Variants in MBD5 observed in about 807,000 individuals in gnomAD.
The protein encoded by MBD5 is methyl-CpG binding domain protein 5, also known as methyl-CpG-binding domain protein 5.
MBD5 carries 13 observed loss-of-function variants against 117.3 expected under a neutral mutation model. The ratio of observed to expected loss-of-function variants is 0.11; its 90% CI spans 0.07 to 0.18. MBD5 has a LOEUF of 0.18. Ranked by LOEUF, MBD5 falls within the 10% of genes least tolerant of loss-of-function variation. The pLI, the probability that MBD5 is intolerant of heterozygous loss-of-function variation, is 1.00. For missense variants in MBD5, 1,879 were observed against 2,093.8 expected, an observed-to-expected ratio of 0.90 and a Z score of 2.00; for synonymous variants, 727 against 766.4, an observed-to-expected ratio of 0.95 and a Z score of 0.85.
Position 148,373,682 on chromosome 2 carries a change from GA to G in MBD5, c.-557+31347del, listed in dbSNP as rs377485359. ...CTATATGCAAAGTACCTTTTTTAGA[GA>G]CTCTTGAGATGAGTAACATTTATTA... On this transcript the variant is annotated intron_variant, in intron 4 of 13. Transcript: ENST00000642680. Among the ~76,000 whole-genome samples the G allele has an allele frequency of 1.4e-4, 22 of 152,148 alleles. No individual in the cohort carries two copies. The East Asian group carries it at 3.7e-3, about 25-fold the overall frequency.
At chr2:148,112,995 AAATAAATAAATCAATG>A (rs1362307802) in intron 1 of MBD5, among the ~76,000 whole-genome samples, 11 of 152,308 alleles carry the variant, frequency 7.2e-5, no homozygotes, top group South Asian at 6.2e-4. Flanking sequence ...CCTGTCTCTT[AAATAAATAAATCAATG>A]AATAAATAAA....
At position 148,021,401 on chromosome 2, in the gene MBD5, G is replaced by C; in HGVS notation, c.-1208G>C. On this transcript the variant is annotated 5_prime_UTR_variant, in exon 1 of 14. Transcript: ENST00000642680. The stretch of plus-strand genomic sequence containing the variant: ...CCCTCCACCCTCCTCCTCTTTGGCC[G>C]TGAGAGGAGGAGAGAAAGAAACCAA... 2 of 497,350 alleles carry C rather than the reference G, an allele frequency of 4.0e-6. No homozygotes were observed. Among genetic ancestry groups the C allele is most frequent in the Non-Finnish European group, 7.9e-6 (2 of 253,030 alleles). 30.8% of individuals were successfully genotyped at this position (497,350 alleles called of 1,614,324 possible).
At chr2:148,297,146 A>C (rs901129260) in intron 3 of MBD5, among the ~76,000 whole-genome samples, 1 of 151,920 alleles carries the variant, frequency 6.6e-6, no homozygotes, top group Non-Finnish European at 1.5e-5. Flanking sequence ...CAGCCTCCCA[A>C]CATGCTGGGA....
In MBD5 at chr2:148,321,682, C is replaced by T. The variant is rs140414289; in HGVS notation, c.-679-20532C>T. 1.3e-4 allele frequency among the ~76,000 whole-genome samples: 20 copies of T among 152,272 alleles called. No homozygotes were observed. The East Asian group carries it at 3.9e-3, about 29-fold the overall frequency. On this transcript the variant is annotated intron_variant, in intron 3 of 13. Transcript: ENST00000642680. Reference sequence around the variant, plus strand: ...TTAAAGCATCCCCAGTACTTTTTTACCTTTGTGCTTTTGCAAACCTTTCCC... The same window carrying T: ...TTAAAGCATCCCCAGTACTTTTTTATCTTTGTGCTTTTGCAAACCTTTCCC...
intron 4 of MBD5, among the ~76,000 whole-genome samples, chr2:148,391,158 G>A (rs940952975): frequency 6.6e-6 from 1 of 151,934 alleles, no homozygotes; most frequent in Non-Finnish European, 1.5e-5. Context: ...ATGTCCTGAG[G>A]TTTCTGAATA....
chr2:148,179,331 G>C (rs948878909), intron 2 of MBD5, among the ~76,000 whole-genome samples: 5 of 150,888 alleles, frequency 3.3e-5, no homozygotes, highest in Non-Finnish European at 7.4e-5. Context: ...CTCCAGCCTG[G>C]GTGACAGAGC....
At chr2:148,078,370 T>C (rs1056907169) in intron 1 of MBD5, among the ~76,000 whole-genome samples, 1 of 152,152 alleles carries the variant, frequency 6.6e-6, no homozygotes, top group African/African-American at 2.4e-5. Flanking sequence ...TGGGTGATCA[T>C]TTACTTGTAT....
At chr2:148,369,345 A>T (rs1350148548) in intron 4 of MBD5, among the ~76,000 whole-genome samples, 1 of 152,126 alleles carries the variant, frequency 6.6e-6, no homozygotes, top group Non-Finnish European at 1.5e-5. Context: ...TGTTGGGACA[A>T]TTACAAAAAT....
At chr2:148,058,397 AT>A (rs1694931403) in intron 1 of MBD5, among the ~76,000 whole-genome samples, 1 of 151,724 alleles carries the variant, frequency 6.6e-6, no homozygotes, top group Non-Finnish European at 1.5e-5. Flanking sequence ...TTATACTTAA[AT>A]TTTTTTTCTA....
chr2:148,086,305 T>G (rs1695790983), intron 1 of MBD5, among the ~76,000 whole-genome samples: 1 of 152,146 alleles, frequency 6.6e-6, no homozygotes, highest in South Asian at 2.1e-4. Context: ...TCACATATTT[T>G]GTAACTGTTA....
chr2:148,254,386 T>G (rs1700534494), intron 3 of MBD5, among the ~76,000 whole-genome samples: 1 of 152,076 alleles, frequency 6.6e-6, no homozygotes, highest in South Asian at 2.1e-4. Flanking sequence ...ACAGGAGGAG[T>G]GCCACTCAGG....
intron 12 of MBD5, among the ~76,000 whole-genome samples, chr2:148,507,324 A>G (rs1246710588): frequency 6.6e-6 from 1 of 152,238 alleles, no homozygotes; most frequent in Non-Finnish European, 1.5e-5. Context: ...ATAGTCAAAT[A>G]TCCATTTTCT....
chr2:148,052,907 A>G (rs867654672), intron 1 of MBD5, among the ~76,000 whole-genome samples: 16 of 151,098 alleles, frequency 1.1e-4, no homozygotes, highest in Middle Eastern at 3.4e-3. Context: ...AGTTGCAATG[A>G]GCCAATATCA....
rs182089783 is a variant in MBD5 at position 148,379,577 on chromosome 2, G to A, written c.-557+37241G>A. On this transcript the variant is annotated intron_variant, in intron 4 of 13. Transcript: ENST00000642680. Reference sequence around the variant, plus strand: ...AGGAGAATCTGAGATGCCAGAAGGAGCACTGAGTGAAAAAATTGGCAAATG... The same window carrying A: ...AGGAGAATCTGAGATGCCAGAAGGAACACTGAGTGAAAAAATTGGCAAATG... 1.3e-3 allele frequency among the ~76,000 whole-genome samples: 198 copies of A among 152,220 alleles called. 1 individual carries two copies. Among genetic ancestry groups the A allele is most frequent in the Middle Eastern group, 3.4e-3 (1 of 294 alleles).
intron 2 of MBD5, among the ~76,000 whole-genome samples, chr2:148,187,306 A>ACC (rs112974582): frequency 2.6e-4 from 37 of 141,110 alleles, no homozygotes; most frequent in African/African-American, 8.9e-4. Context: ...CTTCCTCCAT[A>ACC]CCCCCCCCAA....
Position 148,348,459 on chromosome 2 carries a change from T to G in MBD5, c.-557+6123T>G, listed in dbSNP as rs1268500708. On this transcript the variant is annotated intron_variant, in intron 4 of 13. Coordinates refer to ENST00000642680, the MANE Select transcript of MBD5 (RefSeq NM_001378120.1). ...CCTTCTCATATTCAGTATTTTCAAA[T>G]AAAGGTTTATATGCCCTGGCTAATT... 2.6e-5 allele frequency among the ~76,000 whole-genome samples: 4 copies of G among 152,146 alleles called. No individual in the cohort carries two copies. The East Asian group carries it at 7.8e-4, about 29-fold the overall frequency.
At chr2:148,249,421 T>C (rs1304857628) in intron 3 of MBD5, among the ~76,000 whole-genome samples, 1 of 152,146 alleles carries the variant, frequency 6.6e-6, no homozygotes, top group African/African-American at 2.4e-5. Flanking sequence ...AAACAATAAG[T>C]AAAATAATTA....
intron 4 of MBD5, among the ~76,000 whole-genome samples, chr2:148,428,210 CAG>C (rs1427821467): frequency 6.6e-6 from 1 of 152,126 alleles, no homozygotes; most frequent in African/African-American, 2.4e-5. Flanking sequence ...AACAGACAAA[CAG>C]AGAGCCAAAT....
chr2:148,366,440 C>T (rs1703700617), intron 4 of MBD5, among the ~76,000 whole-genome samples: 1 of 152,146 alleles, frequency 6.6e-6, no homozygotes, highest in Non-Finnish European at 1.5e-5. Context: ...CCTCTGTCAC[C>T]ATTCCTATTC....
Sources: allele counts gnomAD v4.1 joint callset (sites outside exome capture counted in the v4.1 genomes callset), GRCh38; gene constraint gnomAD v4.1.1; transcripts MANE v1.5; gene names NCBI Gene and HGNC (gene_info 2026-07-23, HGNC 2026-07-21).